SEMA6A: variants seen among roughly 807,000 people sequenced by gnomAD.
SEMA6A encodes the protein semaphorin 6A.
Under a neutral mutation model 96.8 loss-of-function variants are expected in SEMA6A, and 25 were observed. That is an observed-to-expected ratio of 0.26 (90% CI 0.19 to 0.36). The LOEUF is 0.36. SEMA6A is among the 10% of genes least tolerant of loss of function. The pLI, the probability that SEMA6A is intolerant of heterozygous loss-of-function variation, is 1.00. For missense variants in SEMA6A, 1,363 were observed against 1,323.1 expected (o/e 1.03, Z -0.47); for synonymous variants, 612 against 518.0 (o/e 1.18, Z -2.46).
chr5:116,497,607 G>A (rs1757663733), intron 3 of SEMA6A, among the ~76,000 whole-genome samples: 1 of 152,162 alleles, frequency 6.6e-6, no homozygotes, highest in Non-Finnish European at 1.5e-5. Flanking sequence ...CACCGTTTAT[G>A]AAAACTTTCC....
At chr5:116,468,421 A>C (rs1435323064) in intron 17 of SEMA6A, 2 of 152,242 alleles carry the variant, frequency 1.3e-5, no homozygotes, top group Non-Finnish European at 2.9e-5. Flanking sequence ...GCTACACGCT[A>C]TTACGGCTGT....
Position 116,495,404 on chromosome 5 carries a change from A to G in SEMA6A, c.444+9T>C, listed in dbSNP as rs199623417. 1.3e-4 allele frequency: 204 copies of G among 1,595,924 alleles called. No homozygotes were observed. Among genetic ancestry groups the G allele is most frequent in the Admixed American group, 2.9e-4 (17 of 58,672 alleles). ...GGCAGTGTGGTTCCAACCGACAAAT[A>G]GCATTTACCTTATAGTTTCTGCAGG... On this transcript the variant is annotated intron_variant, in intron 6 of 18. Coordinates refer to ENST00000343348, the MANE Select transcript of SEMA6A (RefSeq NM_020796.5).
intron 3 of SEMA6A, among the ~76,000 whole-genome samples, chr5:116,499,826 C>CT (rs1363238534): frequency 1.3e-5 from 2 of 152,180 alleles, no homozygotes; most frequent in Non-Finnish European, 2.9e-5. Flanking sequence ...ATGAGCTAGA[C>CT]TAATGGTCAC....
In SEMA6A at chr5:116,496,411, T is replaced by C. The variant is rs1249759653; in HGVS notation, c.280-98A>G. The C allele has an allele frequency of 9.3e-6, 9 of 969,996 alleles. No homozygotes were observed. In the East Asian group the frequency reaches 1.3e-4, roughly 14 times the overall value. The allele number at this position is 969,996 out of a possible 1,614,324, so 60.1% of individuals were successfully genotyped here. A position where few individuals can be genotyped will look rare whatever the true frequency, so the allele number is the denominator to read the frequency against. On this transcript the variant is annotated intron_variant, in intron 4 of 18. Transcript: ENST00000343348. Reference sequence around the variant, plus strand: ...TTGGGGAGACTAAAGGCTGAACATATATTTATTGAAAGCTTTCTGCACCCT... The same window carrying C: ...TTGGGGAGACTAAAGGCTGAACATACATTTATTGAAAGCTTTCTGCACCCT...
intron 1 of SEMA6A, among the ~76,000 whole-genome samples, chr5:116,559,609 A>T (rs2112901641): frequency 6.6e-6 from 1 of 152,306 alleles, no homozygotes; most frequent in South Asian, 2.1e-4. Context: ...GAGCCTTGCA[A>T]CTAGGTGTTG....
At position 116,488,921 on chromosome 5, in the gene SEMA6A, G is replaced by T. The variant is rs756077914; in HGVS notation, c.622C>A (p.Arg208=). ...CATTTTGAATCGTGCTTGACGGTCCGCAGGGTAGGGCTTTCTCCAAGACTC... is the reference window on the plus strand; with the variant it reads ...CATTTTGAATCGTGCTTGACGGTCCTCAGGGTAGGGCTTTCTCCAAGACTC... ...YRSLGESPTL[R]TVKHDSKWLK... is the part of the protein sequence containing the mutation. Residue 208 remains arginine, a synonymous_variant, in exon 8 of 19, where the codon CGG becomes AGG. Transcript: ENST00000343348. 88 of 1,587,106 alleles carry T rather than the reference G, an allele frequency of 5.5e-5. No homozygotes were observed. The East Asian group carries it at 1.7e-3, about 31-fold the overall frequency.
intron 10 of SEMA6A, among the ~76,000 whole-genome samples, chr5:116,484,500 G>C (rs1756943131): frequency 6.6e-6 from 1 of 151,852 alleles, no homozygotes; most frequent in African/African-American, 2.4e-5. Flanking sequence ...ACTTCAGTGT[G>C]GAGGCAAATA....
At chr5:116,573,501 A>G (rs1419917711) in intron 1 of SEMA6A, among the ~76,000 whole-genome samples, 1 of 151,994 alleles carries the variant, frequency 6.6e-6, no homozygotes, top group East Asian at 1.9e-4. Context: ...CTGCTCCCGG[A>G]CACTTATTCG....
chr5:116,502,156 G>A (rs777093919), intron 3 of SEMA6A, 54 bp downstream of exon 3: 42 of 1,406,424 alleles, frequency 3.0e-5, no homozygotes, highest in Non-Finnish European at 4.0e-5. Context: ...GGTAAATTTA[G>A]GACCTTGGGC....
At position 116,445,585 on chromosome 5, in the gene SEMA6A, T is replaced by C. The variant is rs983027650; in HGVS notation, c.*1028A>G. 5.2e-5 allele frequency: 8 copies of C among 152,466 alleles called. No individual in the cohort carries two copies. The highest frequency in any genetic ancestry group is 1.9e-4 in the African/African-American group (8 of 41,452). The allele number at this position is 152,466 out of a possible 1,614,324, so 9.4% of individuals were successfully genotyped here. A position where few individuals can be genotyped will look rare whatever the true frequency, so the allele number is the denominator to read the frequency against. On this transcript the variant is annotated 3_prime_UTR_variant, in exon 19 of 19. Coordinates refer to ENST00000343348, the MANE Select transcript of SEMA6A (RefSeq NM_020796.5). ...CTCCTGATTGCTTTAGAAATTAGGATCTGGAAGGACTTTAACATGAATTAG... is the reference window on the plus strand; with the variant it reads ...CTCCTGATTGCTTTAGAAATTAGGACCTGGAAGGACTTTAACATGAATTAG...
At chr5:116,559,492 T>A (rs1760732017) in intron 1 of SEMA6A, among the ~76,000 whole-genome samples, 1 of 152,144 alleles carries the variant, frequency 6.6e-6, no homozygotes, top group Non-Finnish European at 1.5e-5. Context: ...CACTTGGGGC[T>A]GACGCCGTTT....
intron 8 of SEMA6A, 73 bp downstream of exon 8, chr5:116,488,815 C>G: frequency 1.4e-6 from 2 of 1,460,516 alleles, no homozygotes; most frequent in Non-Finnish European, 1.8e-6. Flanking sequence ...TCTGGTCCCT[C>G]CAGACTCTAA....
At chr5:116,462,219 T>C (rs1755453464) in intron 18 of SEMA6A, among the ~76,000 whole-genome samples, 1 of 152,136 alleles carries the variant, frequency 6.6e-6, no homozygotes, top group Admixed American at 6.6e-5. Context: ...TATGATTAAC[T>C]ATACTCACCT....
chr5:116,566,378 T>C lies in SEMA6A; in HGVS notation c.-39+7807A>G, dbSNP rs184153905. ...GCACCTAGGAATATTAAAAGAAAGC[T>C]TCAAGTCTAAAGGCTGCATGAGGAA... On this transcript the variant is annotated intron_variant, in intron 1 of 18. Coordinates refer to ENST00000343348, the MANE Select transcript of SEMA6A (RefSeq NM_020796.5). Among the ~76,000 whole-genome samples the C allele has an allele frequency of 3.8e-3, 586 of 152,326 alleles. 2 individuals are homozygous for C. The highest frequency in any genetic ancestry group is 6.6e-3 in the Non-Finnish European group (449 of 68,020).
At chr5:116,459,435 C>T (rs1755232433) in intron 18 of SEMA6A, among the ~76,000 whole-genome samples, 1 of 152,184 alleles carries the variant, frequency 6.6e-6, no homozygotes, top group South Asian at 2.1e-4. Context: ...TTCCCATCCT[C>T]CACTTCCTGT....
chr5:116,467,939 C>A (rs1027329863), intron 17 of SEMA6A, 192 bp from the exon 18 acceptor site: 1 of 590,128 alleles, frequency 1.7e-6, no homozygotes, highest in Non-Finnish European at 3.0e-6. Flanking sequence ...GCAGAAAGCC[C>A]ATTGAACTTG....
At chr5:116,524,791 C>CACACACAG (rs1759141283) in intron 1 of SEMA6A, among the ~76,000 whole-genome samples, 2 of 151,524 alleles carry the variant, frequency 1.3e-5, no homozygotes, top group African/African-American at 4.9e-5. Flanking sequence ...CACACACAGA[C>CACACACAG]ACACACACAC....
At chr5:116,530,105 T>C (rs1423080083) in intron 1 of SEMA6A, among the ~76,000 whole-genome samples, 3 of 152,198 alleles carry the variant, frequency 2.0e-5, no homozygotes, top group African/African-American at 4.8e-5. Flanking sequence ...TTGTATTTTG[T>C]TTTCCCAATC....
intron 7 of SEMA6A, 65 bp from the exon 8 acceptor site, chr5:116,489,072 A>C: frequency 6.8e-7 from 1 of 1,479,534 alleles, no homozygotes; most frequent in Non-Finnish European, 9.0e-7. Context: ...AGGAATAATA[A>C]AGACATCCCC....
Sources: gnomAD v4.1 joint callset for allele counts (sites outside exome capture counted in the v4.1 genomes callset) on GRCh38, gnomAD v4.1.1 for gene constraint, MANE v1.5 for transcripts, NCBI Gene and HGNC (gene_info 2026-07-23, HGNC 2026-07-21) for gene names.